The following TYW1B variants were observed in gnomAD, a reference collection of about 807,000 sequenced individuals.
TYW1B encodes the protein S-adenosyl-L-methionine-dependent tRNA 4-demethylwyosine synthase TYW1B.
In TYW1B, 73 loss-of-function variants were observed where a neutral mutation model predicts 86.9. That is an observed-to-expected ratio of 0.84 (90% CI 0.70 to 1.02). The LOEUF (loss-of-function observed/expected upper bound fraction) is 1.02. Ranked by LOEUF, TYW1B falls within the 50% of genes least tolerant of loss-of-function variation. TYW1B has a pLI of 0.00. For synonymous variants in TYW1B, 248 were observed against 292.8 expected, an observed-to-expected ratio of 0.85 and a Z score of 1.56; for missense variants, 637 against 827.4, an observed-to-expected ratio of 0.77 and a Z score of 2.82.
At chr7:72,578,743 G>A (rs1172197330) in intron 13 of TYW1B, among the ~76,000 whole-genome samples, 4 of 152,154 alleles carry the variant, frequency 2.6e-5, no homozygotes, top group East Asian at 1.9e-4. Flanking sequence ...ACAACATAGC[G>A]TGTATAGTGG....
intron 10 of TYW1B, among the ~76,000 whole-genome samples, chr7:72,703,005 TA>T (rs1814513207): frequency 1.5e-4 from 4 of 26,428 alleles, no homozygotes; most frequent in East Asian, 5.8e-4. Context: ...TATATATATA[TA>T]TATATATATA....
At chr7:72,742,440 G>C (rs1787321816) in intron 8 of TYW1B, among the ~76,000 whole-genome samples, 1 of 152,110 alleles carries the variant, frequency 6.6e-6, no homozygotes, top group South Asian at 2.1e-4. Context: ...AGTATTTTTG[G>C]ATTGTAACTC....
chr7:72,644,077 T>C (rs1812867129), intron 11 of TYW1B, among the ~76,000 whole-genome samples: 1 of 152,212 alleles, frequency 6.6e-6, no homozygotes, highest in Admixed American at 6.5e-5. Flanking sequence ...ATGAATAGAA[T>C]TTGGTTTGTT....
At chr7:72,757,225 A>G (rs1260676326) in intron 7 of TYW1B, among the ~76,000 whole-genome samples, 12 of 151,948 alleles carry the variant, frequency 7.9e-5, no homozygotes, top group African/African-American at 2.9e-4. Context: ...AAAATTAGCC[A>G]GGCGTGGTAG....
intron 2 of TYW1B, among the ~76,000 whole-genome samples, chr7:72,819,667 A>G (rs540414026): frequency 1.3e-5 from 2 of 152,344 alleles, no homozygotes; most frequent in East Asian, 3.9e-4. Flanking sequence ...TCCTGGGCTC[A>G]AGTGATCCAC....
chr7:72,738,606 A>G (rs1787243002), intron 8 of TYW1B, among the ~76,000 whole-genome samples: 1 of 152,108 alleles, frequency 6.6e-6, no homozygotes, highest in Non-Finnish European at 1.5e-5. Context: ...TTCTAACAAT[A>G]AAAAATATCT....
At chr7:72,726,926 A>C (rs1787009017) in intron 9 of TYW1B, among the ~76,000 whole-genome samples, 1 of 152,160 alleles carries the variant, frequency 6.6e-6, no homozygotes, top group Admixed American at 6.6e-5. Flanking sequence ...GGCAGCAGGA[A>C]GGAGAAGTGC....
At chr7:72,605,182 G>C (rs1484147323) in intron 13 of TYW1B, among the ~76,000 whole-genome samples, 1 of 152,134 alleles carries the variant, frequency 6.6e-6, no homozygotes, top group African/African-American at 2.4e-5. Context: ...AAACGACCAC[G>C]AAGTATTCCA....
chr7:72,727,966 G>C (rs1285862571), intron 9 of TYW1B, among the ~76,000 whole-genome samples: 1 of 152,114 alleles, frequency 6.6e-6, no homozygotes, highest in East Asian at 1.9e-4. Flanking sequence ...GTAACCTCCA[G>C]TGAAGTCAAT....
intron 6 of TYW1B, among the ~76,000 whole-genome samples, chr7:72,783,139 C>T (rs1401233675): frequency 6.6e-6 from 1 of 152,234 alleles, no homozygotes; most frequent in South Asian, 2.1e-4. Context: ...TGGCTCACGC[C>T]TGTAATCCCA....
chr7:72,575,810 T>C, intron 13 of TYW1B, 91 bp from the exon 14 acceptor site: 1 of 1,544,072 alleles, frequency 6.5e-7, no homozygotes, highest in Non-Finnish European at 8.7e-7. Flanking sequence ...AAGTCTGATC[T>C]TTTCTCCCTA....
intron 10 of TYW1B, among the ~76,000 whole-genome samples, chr7:72,695,755 G>A (rs530680861): frequency 6.6e-6 from 1 of 151,958 alleles, no homozygotes; most frequent in South Asian, 2.1e-4. Context: ...ACCACGCCCG[G>A]CTAATTTTTA....
At chr7:72,825,317 T>C (rs1486233117) in intron 2 of TYW1B, among the ~76,000 whole-genome samples, 1 of 152,112 alleles carries the variant, frequency 6.6e-6, no homozygotes, top group Admixed American at 6.6e-5. Flanking sequence ...ATCAGCTGTA[T>C]TTACTTTAGT....
At chr7:72,672,986 T>C (rs1348650564) in intron 11 of TYW1B, among the ~76,000 whole-genome samples, 1 of 152,126 alleles carries the variant, frequency 6.6e-6, no homozygotes, top group African/African-American at 2.4e-5. Context: ...CTGGTCAACA[T>C]AGTGAAACCC....
At chr7:72,760,793 C>A (rs1471988393) in intron 7 of TYW1B, among the ~76,000 whole-genome samples, 1 of 152,154 alleles carries the variant, frequency 6.6e-6, no homozygotes, top group Non-Finnish European at 1.5e-5. Flanking sequence ...TTTGTCTCTA[C>A]TAGACATTTT....
At chr7:72,765,994 T>A (rs1300858243) in intron 7 of TYW1B, among the ~76,000 whole-genome samples, 1 of 152,220 alleles carries the variant, frequency 6.6e-6, no homozygotes, top group African/African-American at 2.4e-5. Flanking sequence ...TTGGCAGACT[T>A]GTAATTGAAA....
At chr7:72,595,587 G>A (rs1184406971) in intron 13 of TYW1B, among the ~76,000 whole-genome samples, 1 of 152,182 alleles carries the variant, frequency 6.6e-6, no homozygotes, top group African/African-American at 2.4e-5. Context: ...GGAGGCTGAG[G>A]TGGGAGGATC....
intron 9 of TYW1B, among the ~76,000 whole-genome samples, chr7:72,716,457 G>A (rs1273774239): frequency 6.6e-6 from 1 of 152,174 alleles, no homozygotes; most frequent in African/African-American, 2.4e-5. Flanking sequence ...AACAAAGAAC[G>A]TGGGCGAAAT....
At chr7:72,616,593 A>G (rs1277639474) in intron 13 of TYW1B, 79 bp downstream of exon 13, 27 of 1,608,662 alleles carry the variant, frequency 1.7e-5, no homozygotes, top group African/African-American at 2.7e-5. Flanking sequence ...TAACAACGTA[A>G]GAGGAAAATA....
Sources: allele counts gnomAD v4.1 joint callset (sites outside exome capture counted in the v4.1 genomes callset), GRCh38; gene constraint gnomAD v4.1.1; transcripts MANE v1.5; gene names NCBI Gene and HGNC (gene_info 2026-07-23, HGNC 2026-07-21).